APOO: variants seen among roughly 807,000 people sequenced by gnomAD.
APOO encodes apolipoprotein O.
In APOO, 11 loss-of-function variants were observed where a neutral mutation model predicts 23.1. That is an observed-to-expected ratio of 0.48 (90% CI 0.30 to 0.79). The LOEUF (loss-of-function observed/expected upper bound fraction) is 0.79, where lower values mean the gene tolerates loss of function less well. Among genes scored for constraint, APOO ranks in the 30% least tolerant of loss-of-function variants. The probability of loss-of-function intolerance (pLI) is 0.07; values close to 1 mark genes in which losing one functional copy is unlikely to be tolerated. For synonymous variants in APOO, 59 were observed against 54.8 expected, an observed-to-expected ratio of 1.08 and a Z score of -0.34; for missense variants, 160 against 142.7, an observed-to-expected ratio of 1.12 and a Z score of -0.62.
At chrX:23,901,712 A>C (rs1262700301) in intron 1 of APOO, among the ~76,000 whole-genome samples, 1 of 112,518 alleles carries the variant, frequency 8.9e-6, no homozygotes, top group Non-Finnish European at 1.9e-5. Flanking sequence ...GTAACAGCTC[A>C]CATTTCTTCA....
At chrX:23,888,446 A>T (rs1268371462) in intron 1 of APOO, among the ~76,000 whole-genome samples, 1 of 112,193 alleles carries the variant, frequency 8.9e-6, no homozygotes. Flanking sequence ...ACATGGTACT[A>T]AACAGATAAA....
chrX:23,904,802 G>A (rs1328553270), intron 1 of APOO, among the ~76,000 whole-genome samples: 1 of 111,337 alleles, frequency 9.0e-6, no homozygotes, highest in African/African-American at 3.3e-5. Flanking sequence ...CACCGTGCCT[G>A]GCCTGACACT....
chrX:23,895,481 G>A (rs1718694866), intron 1 of APOO, among the ~76,000 whole-genome samples: 1 of 111,044 alleles, frequency 9.0e-6, no homozygotes, highest in South Asian at 3.8e-4. Context: ...TCACACACTG[G>A]GGCCTATCAG....
In APOO at chrX:23,880,996, G is replaced by A. The variant is rs777043717; in HGVS notation, c.10-44C>T. The A allele has an allele frequency of 8.7e-6, 8 of 916,380 alleles. No individual in the cohort carries two copies. The Admixed American group carries it at 1.6e-4, about 19-fold the overall frequency. 75.5% of individuals were successfully genotyped at this position (916,380 alleles called of 1,213,427 possible). A position where few individuals can be genotyped will look rare whatever the true frequency, so the allele number is the denominator to read the frequency against. On this transcript the variant is annotated intron_variant, in intron 1 of 8. Transcript: ENST00000379226. ...CTTAAACCTCTCTATGTTACAGACC[G>A]AATGTGCAGAACATGAGCATATTCA...
At chrX:23,849,325 A>G (rs1445413510) in intron 7 of APOO, among the ~76,000 whole-genome samples, 2 of 108,649 alleles carry the variant, frequency 1.8e-5, no homozygotes, top group African/African-American at 6.7e-5. Flanking sequence ...CAAAGCAAAA[A>G]CCAGACTTAT....
intron 5 of APOO, 37 bp from the exon 6 acceptor site, chrX:23,858,770 T>C (rs1298539021): frequency 9.1e-7 from 1 of 1,096,189 alleles, no homozygotes; most frequent in South Asian, 1.9e-5. Flanking sequence ...ATCAGATGAT[T>C]CATTATCCTC....
At chrX:23,871,788 G>T (rs751638235) in intron 4 of APOO, among the ~76,000 whole-genome samples, 1 of 111,607 alleles carries the variant, frequency 9.0e-6, no homozygotes, top group South Asian at 3.7e-4. Flanking sequence ...CAATTTTCGA[G>T]GCCTGGCAGA....
intron 1 of APOO, among the ~76,000 whole-genome samples, chrX:23,885,893 C>T (rs1452868994): frequency 3.6e-5 from 4 of 111,617 alleles, no homozygotes; most frequent in Non-Finnish European, 7.5e-5. Context: ...AAGCAAACCT[C>T]ACCCCAGGAG....
chrX:23,903,213 C>A (rs1475847876), intron 1 of APOO, among the ~76,000 whole-genome samples: 3 of 110,718 alleles, frequency 2.7e-5, no homozygotes, highest in Non-Finnish European at 5.7e-5. Context: ...ACTAAAGATA[C>A]AAAAAATTAG....
intron 1 of APOO, among the ~76,000 whole-genome samples, chrX:23,888,247 G>A (rs1457245453): frequency 8.9e-6 from 1 of 112,287 alleles, no homozygotes; most frequent in Non-Finnish European, 1.9e-5. Flanking sequence ...AACAAGAAGT[G>A]TAAAGGGGTA....
intron 7 of APOO, among the ~76,000 whole-genome samples, chrX:23,854,373 C>T (rs1259782734): frequency 1.8e-5 from 2 of 112,409 alleles, no homozygotes; most frequent in East Asian, 2.8e-4. Flanking sequence ...CTTTGGTGTG[C>T]TTCAGTCTGC....
intron 7 of APOO, among the ~76,000 whole-genome samples, chrX:23,847,788 G>A (rs1260113951): frequency 9.5e-6 from 1 of 105,126 alleles, no homozygotes; most frequent in Non-Finnish European, 1.9e-5. Flanking sequence ...GTGAGCCATT[G>A]TGCCCAGCCT....
At chrX:23,866,606 T>C (rs557955477) in intron 5 of APOO, among the ~76,000 whole-genome samples, 6 of 110,839 alleles carry the variant, frequency 5.4e-5, no homozygotes, top group Admixed American at 2.9e-4. Context: ...CTGAGCAACA[T>C]AGCGAAACTC....
intron 7 of APOO, among the ~76,000 whole-genome samples, chrX:23,844,978 T>C (rs1324390430): frequency 2.7e-5 from 3 of 111,432 alleles, no homozygotes; most frequent in Non-Finnish European, 3.8e-5. Context: ...CCTTATTTAA[T>C]CCTCAAAACA....
chrX:23,876,392 G>A (rs915211029), intron 3 of APOO, among the ~76,000 whole-genome samples: 4 of 104,274 alleles, frequency 3.8e-5, no homozygotes, highest in Non-Finnish European at 5.9e-5. Context: ...AGATCAGCCC[G>A]GGCAACATGG....
At position 23,868,660 on chromosome X, in the gene APOO, A is replaced by T. The variant is rs1297574392; in HGVS notation, c.321T>A (p.Pro107=). The change falls in exon 5 of 9, where the codon CCT becomes CCA. Residue 107 remains proline, a synonymous_variant. Transcript: ENST00000379226. ...LDSYDYLQNA[P]PGFFPRLGVI... is the part of the protein sequence containing the mutation. ...CACCAAGTCTCGGAAAAAATCCAGG[A>T]GGTGCATTTTGGAGATAGTCATAGC... is the stretch of plus-strand genomic sequence containing the variant. The T allele has an allele frequency of 4.1e-6, 5 of 1,209,896 alleles. No homozygotes were observed. The South Asian group carries it at 8.8e-5, about 21-fold the overall frequency.
intron 5 of APOO, among the ~76,000 whole-genome samples, chrX:23,865,035 C>A (rs1925273474): frequency 9.0e-6 from 1 of 111,593 alleles, no homozygotes; most frequent in Admixed American, 9.6e-5. Context: ...TACTCCCCTG[C>A]CCCCACCTCC....
At chrX:23,893,807 GGTGATCTGCCT>G (rs1926780153) in intron 1 of APOO, among the ~76,000 whole-genome samples, 1 of 110,360 alleles carries the variant, frequency 9.1e-6, no homozygotes, top group Non-Finnish European at 1.9e-5. Context: ...CCTGATCTCA[GGTGATCTGCCT>G]GCCTCGGCCT....
chrX:23,887,609 G>C (rs1001768254), intron 1 of APOO, among the ~76,000 whole-genome samples: 7 of 111,319 alleles, frequency 6.3e-5, no homozygotes, highest in African/African-American at 2.3e-4. Context: ...CCTTTCCCAA[G>C]TGATAGTCCT....
Sources: gnomAD v4.1 joint callset for allele counts (sites outside exome capture counted in the v4.1 genomes callset) on GRCh38, gnomAD v4.1.1 for gene constraint, MANE v1.5 for transcripts, NCBI Gene and HGNC (gene_info 2026-07-23, HGNC 2026-07-21) for gene names.